Variants in TNFRSF21 observed in about 807,000 individuals in gnomAD.
TNFRSF21 encodes TNF receptor superfamily member 21.
A neutral mutation model predicts 45.6 loss-of-function variants in TNFRSF21; 19 were observed. The ratio of observed to expected loss-of-function variants is 0.42; its 90% CI spans 0.29 to 0.61. The LOEUF (loss-of-function observed/expected upper bound fraction) is 0.61, where lower values mean the gene tolerates loss of function less well. TNFRSF21 is among the 20% of genes least tolerant of loss of function. The pLI is 0.23. For missense variants in TNFRSF21, 737 were observed against 851.5 expected (o/e 0.87, Z 1.67); for synonymous variants, 314 against 335.5 (o/e 0.94, Z 0.70).
chr6:47,259,992 G>T (rs1169188179), intron 3 of TNFRSF21, among the ~76,000 whole-genome samples: 1 of 152,094 alleles, frequency 6.6e-6, no homozygotes, highest in Non-Finnish European at 1.5e-5. Flanking sequence ...CCTCTTATCT[G>T]GTAGAGTGGT....
Position 47,264,919 on chromosome 6 carries a change from C to G in TNFRSF21, c.1244-11398G>C, listed in dbSNP as rs760974026. Among the ~76,000 whole-genome samples the G allele has an allele frequency of 2.6e-5, 4 of 152,340 alleles. No individual in the cohort carries two copies. The East Asian group carries it at 7.7e-4, about 29-fold the overall frequency. On this transcript the variant is annotated intron_variant, in intron 3 of 5. Transcript: ENST00000296861. ...CTTAAAGGGAATAACCTGCTCCCTT[C>G]AGCCTGGCTTCCTGGTGTTTACACT...
chr6:47,233,052 G>A (rs942490975), intron 5 of TNFRSF21, 58 bp from the exon 6 acceptor site: 7 of 1,530,212 alleles, frequency 4.6e-6, no homozygotes, highest in Non-Finnish European at 6.3e-6. Context: ...GGCAAGGCCT[G>A]GAGGAAGGAG....
At chr6:47,289,622 A>G (rs1178515415) in intron 1 of TNFRSF21, among the ~76,000 whole-genome samples, 2 of 152,178 alleles carry the variant, frequency 1.3e-5, no homozygotes, top group East Asian at 3.9e-4. Flanking sequence ...ATTTGAAAAT[A>G]AGCCTCAGAC....
rs1260452187 is a variant in TNFRSF21, at chr6:47,232,114, A to G, written c.*651T>C. 2 of 152,430 alleles carry G rather than the reference A, an allele frequency of 1.3e-5. No individual in the cohort carries two copies. Among genetic ancestry groups the G allele is most frequent in the African/African-American group, 4.8e-5 (2 of 41,466 alleles). 9.4% of individuals were successfully genotyped at this position (152,430 alleles called of 1,614,324 possible). A position where few individuals can be genotyped will look rare whatever the true frequency, so the allele number is the denominator to read the frequency against. ...AGGTGAAAACCATACAATCAGCAAT[A>G]GTGTGGTCAAGTTTCAGCCATGAAT... On this transcript the variant is annotated 3_prime_UTR_variant, in exon 6 of 6. Transcript: ENST00000296861.
chr6:47,236,369 C>T (rs1343760344), intron 4 of TNFRSF21, among the ~76,000 whole-genome samples: 1 of 152,220 alleles, frequency 6.6e-6, no homozygotes, highest in Non-Finnish European at 1.5e-5. Flanking sequence ...CCTTAGAATC[C>T]TCATCCCTTC....
chr6:47,255,967 AT>A (rs1764982832), intron 3 of TNFRSF21, among the ~76,000 whole-genome samples: 1 of 152,212 alleles, frequency 6.6e-6, no homozygotes, highest in Non-Finnish European at 1.5e-5. Flanking sequence ...TAGAAAAAAA[AT>A]AAAAATATTT....
At chr6:47,287,346 T>G (rs1044366253) in intron 1 of TNFRSF21, among the ~76,000 whole-genome samples, 1 of 116,254 alleles carries the variant, frequency 8.6e-6, no homozygotes, top group African/African-American at 3.3e-5. Flanking sequence ...AAAAGAAAAA[T>G]TGTATACTAG....
chr6:47,308,175 A>G (rs34050294), intron 1 of TNFRSF21, among the ~76,000 whole-genome samples: 20 of 152,222 alleles, frequency 1.3e-4, no homozygotes, highest in African/African-American at 4.8e-4. Context: ...ACAAACTTTT[A>G]TTTAGTCTCT....
At chr6:47,258,320 G>C (rs924886801) in intron 3 of TNFRSF21, among the ~76,000 whole-genome samples, 4 of 151,482 alleles carry the variant, frequency 2.6e-5, no homozygotes, top group Admixed American at 6.6e-5. Context: ...CAGTGAGCCA[G>C]GATTGTACCA....
chr6:47,254,514 G>A (rs1462679286), intron 3 of TNFRSF21, among the ~76,000 whole-genome samples: 2 of 152,114 alleles, frequency 1.3e-5, no homozygotes, highest in Non-Finnish European at 2.9e-5. Context: ...CTAAAAACAT[G>A]GTGACTTCAT....
intron 4 of TNFRSF21, among the ~76,000 whole-genome samples, chr6:47,248,296 C>CAG (rs1432532178): frequency 6.6e-6 from 1 of 152,070 alleles, no homozygotes; most frequent in Non-Finnish European, 1.5e-5. Context: ...GATAACCACT[C>CAG]AGAGTGTGAA....
chr6:47,287,720 C>T (rs546080219), intron 1 of TNFRSF21, among the ~76,000 whole-genome samples: 41 of 151,982 alleles, frequency 2.7e-4, no homozygotes, highest in African/African-American at 9.9e-4. Flanking sequence ...AAAATCAACA[C>T]AAGATAAAAA....
intron 1 of TNFRSF21, among the ~76,000 whole-genome samples, chr6:47,288,518 T>A (rs1762678611): frequency 6.6e-6 from 1 of 151,984 alleles, no homozygotes; most frequent in African/African-American, 2.4e-5. Flanking sequence ...CTGTATACCC[T>A]TTTTAGTGTC....
At chr6:47,283,759 G>A (rs1762604667) in intron 3 of TNFRSF21, among the ~76,000 whole-genome samples, 179 bp downstream of exon 3, 1 of 152,178 alleles carries the variant, frequency 6.6e-6, no homozygotes, top group African/African-American at 2.4e-5. Flanking sequence ...TATTCTCTCT[G>A]AATGCATTAC....
chr6:47,269,455 AT>A (rs1279037669), intron 3 of TNFRSF21, among the ~76,000 whole-genome samples: 2 of 152,204 alleles, frequency 1.3e-5, no homozygotes, highest in East Asian at 3.8e-4. Context: ...TGTAAAGATT[AT>A]TTTCTAGTTT....
chr6:47,296,058 C>A lies in TNFRSF21; in HGVS notation c.97-9463G>T, dbSNP rs577872111. ...ACAGAACCTCATCTCCTTCCGTGTC[C>A]TTAGAAATAACTATTTCTAAGACTT... On this transcript the variant is annotated intron_variant, in intron 1 of 5. Transcript: ENST00000296861. Among the ~76,000 whole-genome samples the A allele has an allele frequency of 1.2e-4, 19 of 152,246 alleles. No homozygotes were observed. In the East Asian group the frequency reaches 3.7e-3, roughly 29 times the overall value.
At chr6:47,239,984 A>G (rs542652609) in intron 4 of TNFRSF21, among the ~76,000 whole-genome samples, 1 of 152,294 alleles carries the variant, frequency 6.6e-6, no homozygotes, top group Admixed American at 6.5e-5. Context: ...TGGTTGCACA[A>G]TCTGTTTTCA....
chr6:47,247,466 A>T (rs1036492920), intron 4 of TNFRSF21, among the ~76,000 whole-genome samples: 4 of 152,362 alleles, frequency 2.6e-5, no homozygotes, highest in Non-Finnish European at 5.9e-5. Context: ...AATGACAAAG[A>T]CTAATTTGAA....
intron 1 of TNFRSF21, among the ~76,000 whole-genome samples, chr6:47,299,887 T>C (rs887227784): frequency 3.9e-5 from 6 of 152,240 alleles, no homozygotes; most frequent in African/African-American, 1.4e-4. Flanking sequence ...TCAGTTCTTC[T>C]GGACTACAAT....
Sources: allele counts gnomAD v4.1 joint callset (sites outside exome capture counted in the v4.1 genomes callset), GRCh38; gene constraint gnomAD v4.1.1; transcripts MANE v1.5; gene names NCBI Gene and HGNC (gene_info 2026-07-23, HGNC 2026-07-21).